The following NTNG1 variants were observed in gnomAD, a reference collection of about 807,000 sequenced individuals.
NTNG1 encodes netrin G1.
NTNG1 carries 16 observed loss-of-function variants against 54.0 expected under a neutral mutation model. The ratio of observed to expected loss-of-function variants is 0.30; its 90% CI spans 0.20 to 0.45. NTNG1 has a LOEUF of 0.45. Ranked by LOEUF, NTNG1 falls within the 20% of genes least tolerant of loss-of-function variation. The probability of loss-of-function intolerance (pLI) is 1.00; values close to 1 mark genes in which losing one functional copy is unlikely to be tolerated. For synonymous variants in NTNG1, 255 were observed against 263.1 expected (o/e 0.97, Z 0.30); for missense variants, 530 against 678.7 (o/e 0.78, Z 2.43).
intron 2 of NTNG1, among the ~76,000 whole-genome samples, chr1:107,237,192 G>A (rs1253724888): frequency 6.6e-6 from 1 of 152,186 alleles, no homozygotes; most frequent in Non-Finnish European, 1.5e-5. Flanking sequence ...CTGGAGCAAA[G>A]GTGACTCTTG....
Position 107,483,913 on chromosome 1 carries a change from G to C in NTNG1, c.*3073G>C, listed in dbSNP as rs1041223014. Reference sequence around the variant, plus strand: ...TTGAGGGTTATTTATTTCTGACCCTGTACACAGCCTAGGGGAAGAATTTAG... The same window carrying C: ...TTGAGGGTTATTTATTTCTGACCCTCTACACAGCCTAGGGGAAGAATTTAG... On this transcript the variant is annotated 3_prime_UTR_variant, in exon 8 of 8. Coordinates refer to ENST00000370068, the MANE Select transcript of NTNG1 (RefSeq NM_001113226.3). Among the ~76,000 whole-genome samples the C allele has an allele frequency of 6.6e-6, 1 of 152,168 alleles. No individual in the cohort carries two copies. Among genetic ancestry groups the C allele is most frequent in the Non-Finnish European group, 1.5e-5 (1 of 68,026 alleles).
intron 2 of NTNG1, among the ~76,000 whole-genome samples, chr1:107,151,054 T>C (rs1654529930): frequency 6.6e-6 from 1 of 152,212 alleles, no homozygotes; most frequent in Non-Finnish European, 1.5e-5. Context: ...AAACTTGTCA[T>C]TGGACAGAAT....
In NTNG1 at chr1:107,373,718, A is replaced by G. The variant is rs113463876; in HGVS notation, c.888-21436A>G. Among the ~76,000 whole-genome samples, 1,009 of 148,876 alleles carry G rather than the reference A, an allele frequency of 6.8e-3. 14 individuals are homozygous for G. Among genetic ancestry groups the G allele is most frequent in the African/African-American group, 0.024 (970 of 41,002 alleles). ...TTTTATTTATTTATTTTTTTTCAAG[A>G]GACAGGGTCTCACTCTGTCACCCAG... On this transcript the variant is annotated intron_variant, in intron 3 of 7. Transcript: ENST00000370068.
At chr1:107,244,654 TCTTC>T (rs1346581951) in intron 2 of NTNG1, among the ~76,000 whole-genome samples, 1 of 152,246 alleles carries the variant, frequency 6.6e-6, no homozygotes, top group Non-Finnish European at 1.5e-5. Context: ...TGTGTCTCCC[TCTTC>T]CTTCCTCCTT....
intron 3 of NTNG1, among the ~76,000 whole-genome samples, chr1:107,334,220 C>A (rs1668445595): frequency 6.6e-6 from 1 of 151,704 alleles, no homozygotes; most frequent in South Asian, 2.1e-4. Context: ...ATGAATCTTG[C>A]CTTTCTTTTG....
chr1:107,467,780 C>T (rs1677700313), intron 7 of NTNG1, among the ~76,000 whole-genome samples: 1 of 152,172 alleles, frequency 6.6e-6, no homozygotes, highest in Non-Finnish European at 1.5e-5. Flanking sequence ...CTTAGCCTTG[C>T]TGATGTATTT....
At chr1:107,231,084 G>A (rs186306083) in intron 2 of NTNG1, among the ~76,000 whole-genome samples, 64 of 152,280 alleles carry the variant, frequency 4.2e-4, no homozygotes, top group African/African-American at 1.3e-3. Context: ...TTGACTGAGA[G>A]TCTCTGTTTC....
intron 3 of NTNG1, among the ~76,000 whole-genome samples, chr1:107,356,901 G>A (rs528525521): frequency 1.3e-5 from 2 of 152,224 alleles, no homozygotes; most frequent in African/African-American, 4.8e-5. Context: ...TACTCGGGAG[G>A]TTGAGGCATG....
At chr1:107,442,478 G>A (rs1266068468) in intron 7 of NTNG1, among the ~76,000 whole-genome samples, 4 of 152,074 alleles carry the variant, frequency 2.6e-5, no homozygotes, top group Admixed American at 2.0e-4. Flanking sequence ...CTGAGGTTTT[G>A]ATGAACATTA....
rs190917296 is a variant in NTNG1 at position 107,206,835 on chromosome 1, G to C, written c.246+57996G>C. ...TACTCATGGAGCATTTAGACCATGG[G>C]CCGGCCTAGATTAAGTGCTGGTTTT... is the stretch of plus-strand genomic sequence containing the variant. On this transcript the variant is annotated intron_variant, in intron 2 of 7. Transcript: ENST00000370068. Among the ~76,000 whole-genome samples the C allele has an allele frequency of 1.0e-3, 155 of 152,212 alleles. 1 individual carries two copies. The South Asian group carries it at 0.017, about 17-fold the overall frequency.
At chr1:107,249,024 G>A (rs1178692880) in intron 2 of NTNG1, among the ~76,000 whole-genome samples, 2 of 151,272 alleles carry the variant, frequency 1.3e-5, no homozygotes, top group Non-Finnish European at 2.9e-5. Flanking sequence ...GCTGGGCATG[G>A]TGCAGGCGCC....
At chr1:107,469,043 G>A (rs1677795378) in intron 7 of NTNG1, among the ~76,000 whole-genome samples, 1 of 141,178 alleles carries the variant, frequency 7.1e-6, no homozygotes, top group Non-Finnish European at 1.5e-5. Flanking sequence ...GTTGCAGTGA[G>A]CCATTATCAT....
intron 3 of NTNG1, among the ~76,000 whole-genome samples, chr1:107,364,676 C>G (rs1245814849): frequency 3.9e-5 from 6 of 152,160 alleles, no homozygotes; most frequent in Non-Finnish European, 7.4e-5. Flanking sequence ...TTTTTTTCCT[C>G]CTAACATGTA....
chr1:107,149,891 C>T (rs1209102207), intron 2 of NTNG1, among the ~76,000 whole-genome samples: 1 of 151,996 alleles, frequency 6.6e-6, no homozygotes, highest in Non-Finnish European at 1.5e-5. Context: ...TATCTTGAAC[C>T]TGGCCTGGCA....
intron 1 of NTNG1, chr1:107,143,265 TG>T (rs1653869590): frequency 6.6e-6 from 1 of 152,206 alleles, no homozygotes; most frequent in South Asian, 2.1e-4. Context: ...TTAATATTTT[TG>T]TTTTGTCAGT....
At chr1:107,361,250 TA>T (rs992948309) in intron 3 of NTNG1, among the ~76,000 whole-genome samples, 10 of 138,390 alleles carry the variant, frequency 7.2e-5, no homozygotes, top group African/African-American at 2.6e-4. Context: ...AATTATTATA[TA>T]AAATATATGT....
chr1:107,193,398 A>T (rs1300172529), intron 2 of NTNG1, among the ~76,000 whole-genome samples: 1 of 152,028 alleles, frequency 6.6e-6, no homozygotes, highest in East Asian at 1.9e-4. Context: ...TTGAAACTCT[A>T]GATACTTTGA....
At chr1:107,363,491 G>A (rs958731380) in intron 3 of NTNG1, among the ~76,000 whole-genome samples, 1 of 152,126 alleles carries the variant, frequency 6.6e-6, no homozygotes, top group African/African-American at 2.4e-5. Flanking sequence ...CTCCTTATCT[G>A]AACCATAGTT....
intron 2 of NTNG1, among the ~76,000 whole-genome samples, chr1:107,258,631 C>T (rs1663091392): frequency 6.6e-6 from 1 of 152,132 alleles, no homozygotes; most frequent in South Asian, 2.1e-4. Context: ...AATGAGAAAA[C>T]TGAGGCATGG....
Sources: gnomAD v4.1 joint callset for allele counts (sites outside exome capture counted in the v4.1 genomes callset) on GRCh38, gnomAD v4.1.1 for gene constraint, MANE v1.5 for transcripts, NCBI Gene and HGNC (gene_info 2026-07-23, HGNC 2026-07-21) for gene names.